The following NCAPD3 variants were observed in gnomAD, a reference collection of about 807,000 sequenced individuals.
The protein encoded by NCAPD3 is non-SMC condensin II complex subunit D3, also known as condensin-2 complex subunit D3.
NCAPD3 carries 105 observed loss-of-function variants against 182.9 expected under a neutral mutation model. That is an observed-to-expected ratio of 0.57 (90% confidence interval 0.49 to 0.68). The LOEUF (loss-of-function observed/expected upper bound fraction) is 0.68. Among genes scored for constraint, NCAPD3 ranks in the 30% least tolerant of loss-of-function variants. The pLI is 0.00. For missense variants in NCAPD3, 1,944 were observed against 1,837.0 expected (o/e 1.06, Z -1.07); for synonymous variants, 815 against 679.9 (o/e 1.20, Z -3.09).
intron 27 of NCAPD3, among the ~76,000 whole-genome samples, chr11:134,167,734 GTGAGA>G (rs967160897): frequency 1.5e-5 from 2 of 137,796 alleles, no homozygotes; most frequent in African/African-American, 5.6e-5. Flanking sequence ...GCGCACACTC[GTGAGA>G]TGAGCTTAGG....
Position 134,203,833 on chromosome 11 carries a change from G to T in NCAPD3, c.1289C>A (p.Thr430Asn). 1 of 1,614,072 alleles carries T rather than the reference G, an allele frequency of 6.2e-7. No individual in the cohort carries two copies. Among genetic ancestry groups the T allele is most frequent in the South Asian group, 1.1e-5 (1 of 91,082 alleles). Residue 430 changes from threonine to asparagine, a missense_variant, in exon 11 of 35, where the codon ACC becomes AAC. Around this residue, in one of 3 missense-constraint regions of NCAPD3, gnomAD observed 1,803 missense variants for 1,674.6 expected, o/e 1.08. Transcript: ENST00000534548. Reference protein sequence around the residue: ...LELPEREVDNTLSLEHQKFLK... With the variant: ...LELPEREVDNNLSLEHQKFLK... ...GAACTTCTGATGCTCCAAGGAGAGG[G>T]TGTTATCCACCTCTCTTTCAGGCAG... is the stretch of plus-strand genomic sequence containing the variant.
intron 19 of NCAPD3, among the ~76,000 whole-genome samples, chr11:134,181,729 C>T (rs1406201534): frequency 6.6e-6 from 1 of 152,194 alleles, no homozygotes; most frequent in Non-Finnish European, 1.5e-5. Context: ...AGAGAGAGAG[C>T]TCCCAACCAC....
intron 8 of NCAPD3, among the ~76,000 whole-genome samples, chr11:134,206,272 C>G (rs1415727783): frequency 6.6e-6 from 1 of 152,086 alleles, no homozygotes; most frequent in African/African-American, 2.4e-5. Context: ...AAGAGGTGAA[C>G]TGGCTGCAAT....
intron 13 of NCAPD3, among the ~76,000 whole-genome samples, chr11:134,200,199 T>C (rs1591852763): frequency 6.6e-6 from 1 of 152,224 alleles, no homozygotes; most frequent in South Asian, 2.1e-4. Context: ...CAACGATTTC[T>C]TAGCTATGTG....
At chr11:134,172,248 T>C (rs1037720790) in intron 24 of NCAPD3, among the ~76,000 whole-genome samples, 1 of 152,318 alleles carries the variant, frequency 6.6e-6, no homozygotes, top group South Asian at 2.1e-4. Flanking sequence ...CCCATGCAGA[T>C]GAGCTACTGA....
intron 15 of NCAPD3, among the ~76,000 whole-genome samples, chr11:134,193,462 G>A (rs987524999): frequency 6.6e-6 from 1 of 152,166 alleles, no homozygotes; most frequent in Non-Finnish European, 1.5e-5. Context: ...GATTTAAAGT[G>A]AAGAAAAGGG....
At position 134,194,081 on chromosome 11, in the gene NCAPD3, G is replaced by C; in HGVS notation, c.1759C>G (p.Gln587Glu). ...MKEDLWILQD[Q>E]CRDPAVSVRK... ...ACAGACACTGCAGGGTCCCGACACT[G>C]GTCCTGCAGAATCCACAGGTCTTCC... The change falls in exon 15 of 35, where the codon CAG (glutamine) becomes GAG (glutamate). Residue 587 changes from glutamine to glutamate, a missense_variant. Physicochemically the swap from Gln to Glu is conservative, Grantham distance 29. Around this residue, in one of 3 missense-constraint regions of NCAPD3, gnomAD observed 1,803 missense variants for 1,674.6 expected, o/e 1.08. Coordinates refer to ENST00000534548, the MANE Select transcript of NCAPD3 (RefSeq NM_015261.3). The C allele has an allele frequency of 5.0e-6, 8 of 1,614,134 alleles. No homozygotes were observed. Among genetic ancestry groups the C allele is most frequent in the Non-Finnish European group, 6.8e-6 (8 of 1,179,958 alleles).
chr11:134,168,422 T>G (rs749318928), intron 26 of NCAPD3, 47 bp downstream of exon 26: 1 of 1,610,134 alleles, frequency 6.2e-7, no homozygotes, highest in Admixed American at 1.7e-5. Context: ...CAACACAGCA[T>G]TTCATTTGCA....
At chr11:134,161,163 A>G (rs1943567310) in intron 28 of NCAPD3, among the ~76,000 whole-genome samples, 1 of 152,192 alleles carries the variant, frequency 6.6e-6, no homozygotes, top group Non-Finnish European at 1.5e-5. Context: ...CATAATGTGA[A>G]CAGAGCTATA....
chr11:134,210,847 G>A (rs7108464), intron 3 of NCAPD3, among the ~76,000 whole-genome samples: 22,670 of 152,178 alleles, frequency 0.15, 1,772 homozygotes, highest in African/African-American at 0.2. Flanking sequence ...TCTGGACAAC[G>A]GCAGAGAAAT....
intron 24 of NCAPD3, among the ~76,000 whole-genome samples, chr11:134,174,672 T>G (rs756224919): frequency 6.6e-6 from 1 of 152,084 alleles, no homozygotes; most frequent in Non-Finnish European, 1.5e-5. Flanking sequence ...AACAGCACTG[T>G]AGGTTGAATA....
intron 13 of NCAPD3, among the ~76,000 whole-genome samples, chr11:134,199,875 G>T (rs1944714889): frequency 6.6e-6 from 1 of 152,134 alleles, no homozygotes; most frequent in Non-Finnish European, 1.5e-5. Context: ...CATAAAGACA[G>T]ATATATAGAT....
At chr11:134,210,236 G>A in intron 4 of NCAPD3, 34 bp downstream of exon 4, 1 of 1,553,318 alleles carries the variant, frequency 6.4e-7, no homozygotes, top group Non-Finnish European at 8.8e-7. Flanking sequence ...ATCGTGTGTT[G>A]GTATATATGT....
intron 32 of NCAPD3, among the ~76,000 whole-genome samples, chr11:134,156,336 A>G (rs1467220463): frequency 6.6e-6 from 1 of 152,206 alleles, no homozygotes; most frequent in Non-Finnish European, 1.5e-5. Flanking sequence ...AGGGGCACAC[A>G]GGGACACGGC....
chr11:134,202,785 A>G (rs752441703), intron 13 of NCAPD3, 31 bp downstream of exon 13: 2 of 1,480,540 alleles, frequency 1.4e-6, no homozygotes, highest in African/African-American at 2.8e-5. Context: ...CAGCAGTATT[A>G]CCTATCTGAC....
chr11:134,159,143 G>C (rs78491962), intron 29 of NCAPD3, among the ~76,000 whole-genome samples: 1 of 152,122 alleles, frequency 6.6e-6, no homozygotes, highest in Non-Finnish European at 1.5e-5. Context: ...GTATGTCTTC[G>C]ACATCCTGAT....
rs781497867 is a variant in NCAPD3, at chr11:134,216,970, G to A, written c.348C>T (p.Ala116=). The A allele has an allele frequency of 3.9e-5, 63 of 1,613,052 alleles. No homozygotes were observed. Among genetic ancestry groups the A allele is most frequent in the Admixed American group, 2.0e-4 (12 of 59,916 alleles). Residue 116 remains alanine (A), a synonymous_variant, in exon 3 of 35, where the codon GCC becomes GCT. Transcript: ENST00000534548. Reference sequence around the variant, plus strand: ...CTAGTAGCAAAAAGTAAAGCCCAGCGGCATGAAGGCCATATTCTCGATACT... The same window carrying A: ...CTAGTAGCAAAAAGTAAAGCCCAGCAGCATGAAGGCCATATTCTCGATACT... ...SVQYREYGLH[A]AGLYFLLLEV...
At position 134,194,166 on chromosome 11, in the gene NCAPD3, G is replaced by A. The variant is rs200220108; in HGVS notation, c.1690-16C>T. Reference sequence around the variant, plus strand: ...TCACTAATACCTAGAAGGCATAGACGCAACATGAACTGTTAACTGCATAGC... The same window carrying A: ...TCACTAATACCTAGAAGGCATAGACACAACATGAACTGTTAACTGCATAGC... On this transcript the variant is annotated splice_polypyrimidine_tract_variant and intron_variant, in intron 14 of 34. Transcript: ENST00000534548. 54 of 1,611,134 alleles carry A rather than the reference G, an allele frequency of 3.4e-5. No individual in the cohort carries two copies. The highest frequency in any genetic ancestry group is 2.9e-4 in the South Asian group (26 of 90,786).
Position 134,153,011 on chromosome 11 carries a change from C to G in NCAPD3, c.4430G>C (p.Arg1477Thr), listed in dbSNP as rs141510296. ...PQQWNVRSPARNKDTPACSRR... is the reference protein window; with the variant it reads ...PQQWNVRSPATNKDTPACSRR... ...GCTGCAGGCTGGAGTGTCTTTATTC[C>G]TGGCGGGAGACCGCACATTCCACTG... The change falls in exon 35 of 35, where the codon AGG becomes ACG. Residue 1477 changes from arginine (R) to threonine (T), a missense_variant. By Grantham distance (71) the Arg-to-Thr change is moderately conservative. Transcript: ENST00000534548. 8.6e-5 allele frequency: 137 copies of G among 1,592,762 alleles called. 1 individual carries two copies. The African/African-American group carries it at 1.5e-3, about 18-fold the overall frequency.
Sources: gnomAD v4.1 joint callset for allele counts (sites outside exome capture counted in the v4.1 genomes callset) on GRCh38, gnomAD v4.1.1 for gene constraint, gnomAD v4.1.1 regional missense constraint, MANE v1.5 for transcripts, NCBI Gene and HGNC (gene_info 2026-07-23, HGNC 2026-07-21) for gene names.